The following FAT2 variants were observed in gnomAD, a reference collection of about 807,000 sequenced individuals.
FAT2 encodes FAT atypical cadherin 2.
A neutral mutation model predicts 295.3 loss-of-function variants in FAT2; 150 were observed. The ratio of observed to expected loss-of-function variants is 0.51; its 90% CI spans 0.44 to 0.58. The LOEUF is 0.58. Among genes scored for constraint, FAT2 ranks in the 20% least tolerant of loss-of-function variants. The pLI is 0.00. For synonymous variants in FAT2, 2,026 were observed against 2,150.3 expected, an observed-to-expected ratio of 0.94 and a Z score of 1.60; for missense variants, 4,868 against 5,442.7, an observed-to-expected ratio of 0.89 and a Z score of 3.32.
chr5:151,560,346 C>T (rs1240176466), intron 3 of FAT2, among the ~76,000 whole-genome samples: 1 of 152,212 alleles, frequency 6.6e-6, no homozygotes, highest in Non-Finnish European at 1.5e-5. Context: ...AAGCATAGAG[C>T]AGGTAACTCA....
At position 151,566,447 on chromosome 5, in the gene FAT2, T is replaced by C. The variant is rs1489795020; in HGVS notation, c.2485A>G (p.Ile829Val). 1.2e-6 allele frequency: 2 copies of C among 1,613,316 alleles called. No individual in the cohort carries two copies. Among genetic ancestry groups the C allele is most frequent in the Non-Finnish European group, 8.5e-7 (1 of 1,179,640 alleles). The change falls in exon 2 of 24, where the codon ATC becomes GTC. Residue 829 changes from isoleucine (I) to valine (V), a missense_variant. Coordinates refer to ENST00000261800, the MANE Select transcript of FAT2 (RefSeq NM_001447.3). Reference protein sequence around the residue: ...RFPPGGYQLTISEDTEVGTTI... With the variant: ...RFPPGGYQLTVSEDTEVGTTI... ...GTTCCAACTTCTGTGTCCTCCGAGA[T>C]GGTTAACTGGTACCCACCGGGAGGA... is the stretch of plus-strand genomic sequence containing the variant.
chr5:151,520,652 T>C (rs771724977), intron 19 of FAT2, among the ~76,000 whole-genome samples: 18 of 152,192 alleles, frequency 1.2e-4, no homozygotes, highest in Admixed American at 7.2e-4. Context: ...AGGAGGCAGA[T>C]GTATTTATTT....
At chr5:151,515,717 C>T (rs567042037) in intron 20 of FAT2, among the ~76,000 whole-genome samples, 1 of 152,324 alleles carries the variant, frequency 6.6e-6, no homozygotes, top group South Asian at 2.1e-4. Flanking sequence ...TCCAATTCCT[C>T]TGTCATCACC....
chr5:151,551,702 G>T, intron 6 of FAT2, 96 bp from the exon 7 acceptor site: 2 of 1,325,508 alleles, frequency 1.5e-6, no homozygotes, highest in Non-Finnish European at 2.1e-6. Flanking sequence ...AGGACACGGT[G>T]GTAAATTCCA....
chr5:151,520,159 C>T (rs1475020000), intron 19 of FAT2, among the ~76,000 whole-genome samples: 3 of 152,198 alleles, frequency 2.0e-5, no homozygotes, highest in East Asian at 1.9e-4. Context: ...AATGATATCC[C>T]GAATGCCAGG....
intron 1 of FAT2, among the ~76,000 whole-genome samples, chr5:151,570,367 A>G (rs1034815164): frequency 8.5e-5 from 13 of 152,250 alleles, no homozygotes; most frequent in African/African-American, 3.1e-4. Flanking sequence ...TTTTCATCAT[A>G]GATGAGTATA....
At chr5:151,539,423 G>A (rs373759711) in intron 11 of FAT2, among the ~76,000 whole-genome samples, 27 of 152,292 alleles carry the variant, frequency 1.8e-4, no homozygotes, top group African/African-American at 5.8e-4. Context: ...AATTTGTTAC[G>A]TATAGTTGCA....
At chr5:151,547,726 C>T (rs931817477) in intron 9 of FAT2, among the ~76,000 whole-genome samples, 2 of 151,850 alleles carry the variant, frequency 1.3e-5, no homozygotes, top group Non-Finnish European at 2.9e-5. Context: ...CATGTGATTC[C>T]GATTATAATT....
At chr5:151,518,555 C>T (rs960743521) in intron 19 of FAT2, among the ~76,000 whole-genome samples, 4 of 151,990 alleles carry the variant, frequency 2.6e-5, no homozygotes, top group Admixed American at 1.3e-4. Flanking sequence ...AGGATAGTTC[C>T]TTGTATGAGC....
chr5:151,535,521 A>G (rs1314908311), intron 12 of FAT2, among the ~76,000 whole-genome samples: 1 of 149,550 alleles, frequency 6.7e-6, no homozygotes, highest in Non-Finnish European at 1.5e-5. Context: ...CAGGGAGGAC[A>G]TGGGAGCCCC....
At position 151,505,872 on chromosome 5, in the gene FAT2, A is replaced by G; in HGVS notation, c.12743T>C (p.Leu4248Pro). 1 of 1,606,530 alleles carries G rather than the reference A, an allele frequency of 6.2e-7. No individual in the cohort carries two copies. Among genetic ancestry groups the G allele is most frequent in the Non-Finnish European group, 8.5e-7 (1 of 1,177,868 alleles). The change falls in exon 24 of 24, where the codon CTG (leucine) becomes CCG (proline). Residue 4248 changes from leucine to proline, a missense_variant. Leu to Pro is a moderately conservative substitution (Grantham distance 98). Around this residue, in one of 5 missense-constraint regions of FAT2, gnomAD observed 492 missense variants for 482.6 expected, o/e 1.02. Transcript: ENST00000261800. ...PLPPRYSNQN[L>P]EDLMPSRPPS... is the part of the protein sequence containing the mutation. ...GGGCCGAGAGGGCATCAGATCTTCC[A>G]GGTTCTGGTTGCTGTAACGGGGTGG...
chr5:151,544,561 G>T lies in FAT2; in HGVS notation c.6566C>A (p.Pro2189Gln). The change falls in exon 10 of 24, where the codon CCA becomes CAA. Residue 2189 changes from proline to glutamine, a missense_variant. Physicochemically the swap from Pro to Gln is moderately conservative, Grantham distance 76. Around this residue, in one of 5 missense-constraint regions of FAT2, gnomAD observed 3,297 missense variants for 3,669.4 expected, o/e 0.90. Transcript: ENST00000261800. ...ACTCCGGGCCTGGGTGTGGAGAATT[G>T]GGGTATAGAGGGTGATATTTTCAGG... ...RVPENITLYT[P>Q]ILHTQARSPE... 6.2e-7 allele frequency: 1 copy of T among 1,614,048 alleles called. No individual in the cohort carries two copies.
At chr5:151,506,188 G>A (rs1581259336) in intron 23 of FAT2, 91 bp from the exon 24 acceptor site, 1 of 1,372,154 alleles carries the variant, frequency 7.3e-7, no homozygotes, top group Non-Finnish European at 9.6e-7. Flanking sequence ...CTAGCGAGTG[G>A]TGGAGATGGG....
Position 151,531,664 on chromosome 5 carries a change from CGAGT to C in FAT2, c.9730_9733del (p.Thr3244AlafsTer60), listed in dbSNP as rs1484948535. On this transcript the variant is annotated frameshift_variant, in exon 14 of 24. Coordinates refer to ENST00000261800, the MANE Select transcript of FAT2 (RefSeq NM_001447.3). LOFTEE classifies it high-confidence loss of function. This position sits in a 1 kb window ranked among gnomAD's most constrained non-coding sequence, Gnocchi z 5.7. ...GTAGCCGGTCTTCTCTGCGCCCGGG[CGAGT>C]GAGGGTGGCCAGCTGCAGCACCTCC... is the stretch of plus-strand genomic sequence containing the variant. The C allele has an allele frequency of 3.7e-6, 6 of 1,613,728 alleles. No homozygotes were observed. The highest frequency in any genetic ancestry group is 5.1e-6 in the Non-Finnish European group (6 of 1,179,902).
rs1761396677 is a variant in FAT2 at position 151,512,451 on chromosome 5, G to A, written c.11619C>T (p.Asn3873=). 1 of 1,614,130 alleles carries A rather than the reference G, an allele frequency of 6.2e-7. No individual in the cohort carries two copies. Among genetic ancestry groups the A allele is most frequent in the Non-Finnish European group, 8.5e-7 (1 of 1,180,046 alleles). Reference sequence around the variant, plus strand: ...AGTTCTCTGGGACCACAAGGGAGGTGTTGCCCATGCTGTCAACCATCAGGC... The same window carrying A: ...AGTTCTCTGGGACCACAAGGGAGGTATTGCCCATGCTGTCAACCATCAGGC... ...SIRLMVDSMG[N]TSLVVPENCR... The change falls in exon 21 of 24, where the codon AAC becomes AAT. Residue 3873 remains asparagine, a synonymous_variant. Coordinates refer to ENST00000261800, the MANE Select transcript of FAT2 (RefSeq NM_001447.3). The surrounding 1 kb of genome is among the most constrained non-coding windows in gnomAD (Gnocchi z 4.1).
chr5:151,521,193 G>T, intron 19 of FAT2, 83 bp downstream of exon 19: 1 of 1,405,654 alleles, frequency 7.1e-7, no homozygotes, highest in Non-Finnish European at 9.6e-7. Flanking sequence ...CTCCCACAGA[G>T]CCTCAGTGGA....
chr5:151,566,961 A>G lies in FAT2; in HGVS notation c.1971T>C (p.Thr657=). ...CTTCAAAATGAGGGTCCTTCACCACAGTAATATTCAAAGTTGTGGGTGAGG... is the reference window on the plus strand; with the variant it reads ...CTTCAAAATGAGGGTCCTTCACCACGGTAATATTCAAAGTTGTGGGTGAGG... ...NYASPTTLNI[T]VVKDPHFEVP... is the part of the protein sequence containing the mutation. Residue 657 remains threonine (T), a synonymous_variant, in exon 2 of 24, where the codon ACT becomes ACC. Transcript: ENST00000261800. 1 of 1,614,158 alleles carries G rather than the reference A, an allele frequency of 6.2e-7. No individual in the cohort carries two copies. Among genetic ancestry groups the G allele is most frequent in the South Asian group, 1.1e-5 (1 of 91,078 alleles).
chr5:151,547,570 A>G (rs183302950), intron 9 of FAT2, among the ~76,000 whole-genome samples: 11 of 152,294 alleles, frequency 7.2e-5, no homozygotes, highest in Admixed American at 3.3e-4. Context: ...AAAACTTTCA[A>G]TCTGATTCTT....
At position 151,553,304 on chromosome 5, in the gene FAT2, G is replaced by A. The variant is rs2127627500; in HGVS notation, c.4029C>T (p.Ser1343=). The change falls in exon 6 of 24, where the codon TCC becomes TCT. Residue 1343 remains serine (S), a synonymous_variant. Transcript: ENST00000261800. ...TCTCATCAAAGGCCAGAGGGATGGA[G>A]GACGGCCGGGGCCAAGGGATCCACT... ...HIEWIPWPRP[S]SIPLAFDETY... 2 of 1,614,280 alleles carry A rather than the reference G, an allele frequency of 1.2e-6. No homozygotes were observed. The highest frequency in any genetic ancestry group is 1.7e-6 in the Non-Finnish European group (2 of 1,180,054).
Sources: gnomAD v4.1 joint callset for allele counts (sites outside exome capture counted in the v4.1 genomes callset) on GRCh38, gnomAD v4.1.1 for gene constraint, gnomAD v4.1.1 regional missense constraint, Gnocchi (gnomAD v3.1) non-coding constraint, MANE v1.5 for transcripts, NCBI Gene and HGNC (gene_info 2026-07-23, HGNC 2026-07-21) for gene names.